SLC13A1: variants seen among roughly 807,000 people sequenced by gnomAD.
SLC13A1 encodes solute carrier family 13 member 1.
SLC13A1 carries 65 observed loss-of-function variants against 70.0 expected under a neutral mutation model. That is an observed-to-expected ratio of 0.93 (90% CI 0.76 to 1.14). SLC13A1 has a LOEUF of 1.14. SLC13A1 is among the 50% of genes most tolerant of loss of function. The probability of loss-of-function intolerance (pLI) is 0.00; values close to 1 mark genes in which losing one functional copy is unlikely to be tolerated. For missense variants in SLC13A1, 726 were observed against 717.8 expected, an observed-to-expected ratio of 1.01 and a Z score of -0.13; for synonymous variants, 275 against 250.5, an observed-to-expected ratio of 1.10 and a Z score of -0.92.
intron 14 of SLC13A1, among the ~76,000 whole-genome samples, chr7:123,116,133 G>A (rs374565495): frequency 6.6e-6 from 1 of 152,220 alleles, no homozygotes; most frequent in Admixed American, 6.5e-5. Context: ...TTCACTCAAC[G>A]TAATTGTTAA....
chr7:123,181,240 C>T (rs1032981697), intron 1 of SLC13A1, 139 bp from the exon 2 acceptor site: 2 of 746,004 alleles, frequency 2.7e-6, no homozygotes, highest in Non-Finnish European at 3.9e-6. Flanking sequence ...CTTTGAGTTG[C>T]CCTCAAATAC....
intron 7 of SLC13A1, 22 bp downstream of exon 7, chr7:123,147,137 C>T: frequency 6.2e-7 from 1 of 1,604,976 alleles, no homozygotes. Flanking sequence ...TGTTAAATCA[C>T]CAATCCAATA....
intron 10 of SLC13A1, 32 bp downstream of exon 10, chr7:123,128,813 A>C: frequency 7.1e-7 from 1 of 1,407,698 alleles, no homozygotes; most frequent in Non-Finnish European, 1.0e-6. Flanking sequence ...ATAAAACAGG[A>C]AGGGCTGACA....
chr7:123,149,931 T>C (rs1204828350), intron 6 of SLC13A1, among the ~76,000 whole-genome samples: 2 of 152,164 alleles, frequency 1.3e-5, no homozygotes, highest in African/African-American at 4.8e-5. Flanking sequence ...CCAAACTCTC[T>C]TTCTTGTCTT....
intron 2 of SLC13A1, among the ~76,000 whole-genome samples, chr7:123,175,764 A>T (rs1439542127): frequency 6.6e-6 from 1 of 152,212 alleles, no homozygotes; most frequent in Non-Finnish European, 1.5e-5. Context: ...CTATTTTACC[A>T]ATACTCTGAG....
In SLC13A1 at chr7:123,119,166, A is replaced by G; in HGVS notation, c.1427T>C (p.Ile476Thr). 1.2e-6 allele frequency: 2 copies of G among 1,612,766 alleles called. No individual in the cohort carries two copies. The highest frequency in any genetic ancestry group is 1.7e-5 in the Admixed American group (1 of 59,910). Residue 476 changes from isoleucine to threonine, a missense_variant, in exon 13 of 15, where the codon ATA becomes ACA. By Grantham distance (89) the Ile-to-Thr change is moderately conservative. Transcript: ENST00000194130. ...GSLPAWLIILISSLMVTSLTE... is the reference protein window; with the variant it reads ...GSLPAWLIILTSSLMVTSLTE... ...TAAAGATGTCACCATCAAAGAAGAT[A>G]TCAGAATTATTAGCCATGCTGGTAA... is the stretch of plus-strand genomic sequence containing the variant.
chr7:123,141,050 A>G (rs975510551), intron 7 of SLC13A1, among the ~76,000 whole-genome samples: 2 of 152,090 alleles, frequency 1.3e-5, no homozygotes, highest in African/African-American at 4.8e-5. Flanking sequence ...ACTTAGAGCT[A>G]TAAACTTCCC....
intron 10 of SLC13A1, among the ~76,000 whole-genome samples, chr7:123,126,326 T>C (rs1793558228): frequency 6.6e-6 from 1 of 152,164 alleles, no homozygotes; most frequent in Non-Finnish European, 1.5e-5. Context: ...ATGATCACCA[T>C]ATAAATTAAG....
At chr7:123,120,442 T>C (rs1028160630) in intron 12 of SLC13A1, among the ~76,000 whole-genome samples, 6 of 152,104 alleles carry the variant, frequency 3.9e-5, no homozygotes, top group Admixed American at 3.9e-4. Context: ...AGCCTGGTCA[T>C]ATTCTGCTCC....
At position 123,186,776 on chromosome 7, in the gene SLC13A1, A is replaced by G. The variant is rs190914443; in HGVS notation, c.100-5675T>C. 7.7e-5 allele frequency: 35 copies of G among 455,746 alleles called. No homozygotes were observed. In the Admixed American group the frequency reaches 8.2e-4, roughly 11 times the overall value. The allele number at this position is 455,746 out of a possible 1,614,324, so 28.2% of individuals were successfully genotyped here. A position where few individuals can be genotyped will look rare whatever the true frequency, so the allele number is the denominator to read the frequency against. On this transcript the variant is annotated intron_variant, in intron 1 of 14. Transcript: ENST00000194130. ...TGCAACCGTAACAAGTAAACGTTTTAATCACATTTTGTTCTGAAGTATTTT... is the reference window on the plus strand; with the variant it reads ...TGCAACCGTAACAAGTAAACGTTTTGATCACATTTTGTTCTGAAGTATTTT...
chr7:123,139,774 C>A (rs1260348998), intron 7 of SLC13A1, among the ~76,000 whole-genome samples: 1 of 152,034 alleles, frequency 6.6e-6, no homozygotes, highest in African/African-American at 2.4e-5. Context: ...TATCCTGCAA[C>A]TTTACTGAAT....
At chr7:123,131,586 A>T (rs75712223) in intron 8 of SLC13A1, among the ~76,000 whole-genome samples, 1,690 of 152,318 alleles carry the variant, frequency 0.011, 30 homozygotes, top group African/African-American at 0.039. Context: ...GATCATTTAT[A>T]ATGGGTGAGT....
intron 8 of SLC13A1, 26 bp from the exon 9 acceptor site, chr7:123,129,507 G>A: frequency 6.3e-7 from 1 of 1,578,484 alleles, no homozygotes; most frequent in African/African-American, 1.3e-5. Context: ...AAGCCTGTAA[G>A]CAAGAAATTC....
chr7:123,149,662 T>C (rs1225849794), intron 6 of SLC13A1: 2 of 455,686 alleles, frequency 4.4e-6, no homozygotes, highest in Non-Finnish European at 8.8e-6. Flanking sequence ...GTGTGCTTGA[T>C]ATTATAGTTA....
rs763725110 is a variant in SLC13A1, at chr7:123,117,459, C to A, written c.1650+12G>T. On this transcript the variant is annotated intron_variant, in intron 14 of 14. Transcript: ENST00000194130. ...GTATTGGATTTGATAGTATTTTTTT[C>A]AGCTAACTCACCATGTCAATGACTT... 1.1e-5 allele frequency: 18 copies of A among 1,603,330 alleles called. No homozygotes were observed. Among genetic ancestry groups the A allele is most frequent in the Non-Finnish European group, 1.5e-5 (18 of 1,173,600 alleles).
intron 2 of SLC13A1, among the ~76,000 whole-genome samples, chr7:123,179,482 T>C (rs1397541048): frequency 6.6e-6 from 1 of 152,116 alleles, no homozygotes; most frequent in Non-Finnish European, 1.5e-5. Flanking sequence ...GTTAAATTAG[T>C]CTGGGGATAA....
chr7:123,168,483 C>T (rs1563343343), intron 5 of SLC13A1, 21 bp downstream of exon 5: 1 of 1,603,106 alleles, frequency 6.2e-7, no homozygotes, highest in Admixed American at 1.7e-5. Flanking sequence ...AAATCCCAAT[C>T]AAAATGTCAG....
intron 10 of SLC13A1, among the ~76,000 whole-genome samples, chr7:123,127,089 T>C (rs1793586838): frequency 6.6e-6 from 1 of 152,142 alleles, no homozygotes; most frequent in Non-Finnish European, 1.5e-5. Flanking sequence ...ATATTATAAC[T>C]TATTTTTAGT....
chr7:123,192,903 T>TTTTTA (rs1796046775), intron 1 of SLC13A1, among the ~76,000 whole-genome samples: 1 of 152,114 alleles, frequency 6.6e-6, no homozygotes, highest in African/African-American at 2.4e-5. Flanking sequence ...AACTAGATGT[T>TTTTTA]TTTTCTTTTC....
Sources: gnomAD v4.1 joint callset for allele counts (sites outside exome capture counted in the v4.1 genomes callset) on GRCh38, gnomAD v4.1.1 for gene constraint, MANE v1.5 for transcripts, NCBI Gene and HGNC (gene_info 2026-07-23, HGNC 2026-07-21) for gene names.